CHD6: variants seen among roughly 807,000 people sequenced by gnomAD.
The protein encoded by CHD6 is ATP-dependent chromatin remodeler CHD6.
CHD6 carries 50 observed loss-of-function variants against 276.9 expected under a neutral mutation model. That is an observed-to-expected ratio of 0.18 (90% confidence interval 0.14 to 0.23). The LOEUF (loss-of-function observed/expected upper bound fraction) is 0.23. Among genes scored for constraint, CHD6 ranks in the 10% least tolerant of loss-of-function variants. CHD6 has a pLI of 1.00. For missense variants in CHD6, 2,564 were observed against 3,365.8 expected, an observed-to-expected ratio of 0.76 and a Z score of 5.89; for synonymous variants, 1,173 against 1,229.3, an observed-to-expected ratio of 0.95 and a Z score of 0.96.
intron 3 of CHD6, among the ~76,000 whole-genome samples, chr20:41,517,756 C>A (rs2044286997): frequency 6.6e-6 from 1 of 152,132 alleles, no homozygotes; most frequent in Non-Finnish European, 1.5e-5. Flanking sequence ...ACAAATAATC[C>A]CCATATTCCA....
At chr20:41,589,140 A>G (rs1198027881) in intron 1 of CHD6, among the ~76,000 whole-genome samples, 1 of 152,264 alleles carries the variant, frequency 6.6e-6, no homozygotes, top group African/African-American at 2.4e-5. Context: ...CAATAGATGC[A>G]GAAAAGGTCT....
At chr20:41,551,737 C>CA (rs1406244401) in intron 1 of CHD6, among the ~76,000 whole-genome samples, 6 of 152,056 alleles carry the variant, frequency 3.9e-5, no homozygotes, top group African/African-American at 1.4e-4. Flanking sequence ...TGGAAGAAAA[C>CA]AATCAATGAT....
intron 36 of CHD6, among the ~76,000 whole-genome samples, chr20:41,406,405 A>G (rs931194249): frequency 6.6e-6 from 1 of 152,226 alleles, no homozygotes; most frequent in Non-Finnish European, 1.5e-5. Flanking sequence ...TGCACTGGAC[A>G]TTCCCATAAC....
rs748438583 is a variant in CHD6, at chr20:41,420,572, T to C, written c.6063A>G (p.Lys2021=). The C allele has an allele frequency of 1.9e-6, 3 of 1,614,118 alleles. No individual in the cohort carries two copies. Among genetic ancestry groups the C allele is most frequent in the Admixed American group, 3.3e-5 (2 of 60,028 alleles). The part of the protein sequence containing the change: ...PTYPLEGSEL[K]SEDMDFENKD... ...TATTCTCAAAATCCATGTCTTCTGATTTGAGCTCACTTCCTTCAAGAGGAT... is the reference window on the plus strand; with the variant it reads ...TATTCTCAAAATCCATGTCTTCTGACTTGAGCTCACTTCCTTCAAGAGGAT... Residue 2021 remains lysine (K), a synonymous_variant, in exon 31 of 37, where the codon AAA becomes AAG. Coordinates refer to ENST00000373233, the MANE Select transcript of CHD6 (RefSeq NM_032221.5).
Position 41,493,846 on chromosome 20 carries a change from G to C in CHD6, c.1179+12C>G. On this transcript the variant is annotated intron_variant, in intron 9 of 36. Transcript: ENST00000373233. ...AAGAAGGGAAGATGCTTCAGGAGAG[G>C]CAAATACCCACCTCCCCTGTTTCTG... is the stretch of plus-strand genomic sequence containing the variant. 6.2e-7 allele frequency: 1 copy of C among 1,609,706 alleles called. No homozygotes were observed. Among genetic ancestry groups the C allele is most frequent in the Non-Finnish European group, 8.5e-7 (1 of 1,176,208 alleles).
intron 23 of CHD6, 62 bp downstream of exon 23, chr20:41,450,884 C>T: frequency 6.7e-7 from 1 of 1,488,982 alleles, no homozygotes; most frequent in East Asian, 2.3e-5. Flanking sequence ...CTGTGGGGTT[C>T]CCAGGAATCG....
At chr20:41,555,155 G>A (rs2045207518) in intron 1 of CHD6, among the ~76,000 whole-genome samples, 2 of 135,076 alleles carry the variant, frequency 1.5e-5, no homozygotes, top group African/African-American at 2.9e-5. Flanking sequence ...CCGGGCAGAG[G>A]GGCTCCTCAC....
chr20:41,493,021 T>C (rs2046904933), intron 10 of CHD6, among the ~76,000 whole-genome samples: 1 of 152,168 alleles, frequency 6.6e-6, no homozygotes, highest in Admixed American at 6.5e-5. Context: ...AGTTGAGTGG[T>C]AATAATCCAG....
chr20:41,514,501 A>G (rs2044203924), intron 4 of CHD6, among the ~76,000 whole-genome samples: 1 of 152,206 alleles, frequency 6.6e-6, no homozygotes, highest in African/African-American at 2.4e-5. Flanking sequence ...CCTGTATGGC[A>G]AAAGAGGCCT....
chr20:41,473,264 T>A lies in CHD6; in HGVS notation c.2664+58A>T. 1 of 1,536,686 alleles carries A rather than the reference T, an allele frequency of 6.5e-7. No individual in the cohort carries two copies. The highest frequency in any genetic ancestry group is 8.9e-7 in the Non-Finnish European group (1 of 1,120,280). On this transcript the variant is annotated intron_variant, in intron 17 of 36. Transcript: ENST00000373233. This position sits in a 1 kb window ranked among gnomAD's most constrained non-coding sequence, Gnocchi z 4.1. ...TGCTCTGTAGCCAAGCCAGGCCCTA[T>A]CATGATGTTCTGGGATCCAGGGCAG...
At chr20:41,453,454 A>T (rs2048300924) in intron 20 of CHD6, among the ~76,000 whole-genome samples, 1 of 152,004 alleles carries the variant, frequency 6.6e-6, no homozygotes, top group South Asian at 2.1e-4. Context: ...TGACAATACC[A>T]TCTCCAGCTC....
At chr20:41,460,086 C>G (rs2048497000) in intron 17 of CHD6, among the ~76,000 whole-genome samples, 2 of 152,180 alleles carry the variant, frequency 1.3e-5, no homozygotes, top group African/African-American at 4.8e-5. Context: ...AGCAATGAGA[C>G]CAGTGGCATT....
intron 1 of CHD6, among the ~76,000 whole-genome samples, chr20:41,608,926 A>T (rs1330319195): frequency 2.0e-5 from 3 of 152,244 alleles, no homozygotes; most frequent in African/African-American, 7.2e-5. Flanking sequence ...GCAGACACAA[A>T]GTGCAGATAA....
chr20:41,459,235 T>C (rs976466618), intron 17 of CHD6: 1 of 152,172 alleles, frequency 6.6e-6, no homozygotes. Context: ...AGAATTCCTA[T>C]ACTTAGTACT....
intron 27 of CHD6, 73 bp from the exon 28 acceptor site, chr20:41,426,226 G>A (rs1028585940): frequency 1.9e-6 from 2 of 1,074,852 alleles, no homozygotes; most frequent in South Asian, 2.5e-5. Flanking sequence ...GTCTTGAAAC[G>A]GAAAGAGTAA....
chr20:41,456,224 T>A (rs1436324174), intron 18 of CHD6, among the ~76,000 whole-genome samples: 1 of 152,096 alleles, frequency 6.6e-6, no homozygotes, highest in Non-Finnish European at 1.5e-5. Flanking sequence ...CCTAACATTC[T>A]TCAGGATGTT....
At chr20:41,494,056 A>G in intron 8 of CHD6, 112 bp from the exon 9 acceptor site, 2 of 691,164 alleles carry the variant, frequency 2.9e-6, no homozygotes, top group Admixed American at 5.4e-5. Flanking sequence ...ACAAACACAA[A>G]AAGAAAGGGT....
intron 1 of CHD6, among the ~76,000 whole-genome samples, chr20:41,559,840 T>C (rs983411399): frequency 1.3e-5 from 2 of 151,614 alleles, no homozygotes; most frequent in Non-Finnish European, 2.9e-5. Context: ...CCACAACTCT[T>C]CCAAAACGAA....
At position 41,447,975 on chromosome 20, in the gene CHD6, T is replaced by C; in HGVS notation, c.3684-4A>G. 6.3e-7 allele frequency: 1 copy of C among 1,588,636 alleles called. No individual in the cohort carries two copies. Among genetic ancestry groups the C allele is most frequent in the East Asian group, 2.3e-5 (1 of 44,436 alleles). On this transcript the variant is annotated splice_region_variant and splice_polypyrimidine_tract_variant and intron_variant, in intron 23 of 36. Coordinates refer to ENST00000373233, the MANE Select transcript of CHD6 (RefSeq NM_032221.5). ...CATCCGGACTCGCAAAAGTACTCTATGAAAGGTGAACACATTAATGCAAAC... is the reference window on the plus strand; with the variant it reads ...CATCCGGACTCGCAAAAGTACTCTACGAAAGGTGAACACATTAATGCAAAC...
Sources: allele counts gnomAD v4.1 joint callset (sites outside exome capture counted in the v4.1 genomes callset), GRCh38; gene constraint gnomAD v4.1.1; non-coding constraint Gnocchi (gnomAD v3.1); transcripts MANE v1.5; gene names NCBI Gene and HGNC (gene_info 2026-07-23, HGNC 2026-07-21).